Variants in VWC2 observed in about 807,000 individuals in gnomAD.
The protein encoded by VWC2 is brorin.
Under a neutral mutation model 29.8 loss-of-function variants are expected in VWC2, and 14 were observed. The ratio of observed to expected loss-of-function variants is 0.47; its 90% CI spans 0.31 to 0.74. The LOEUF is 0.74. Ranked by LOEUF, VWC2 falls within the 30% of genes least tolerant of loss-of-function variation. The pLI is 0.05. For synonymous variants in VWC2, 213 were observed against 199.0 expected, an observed-to-expected ratio of 1.07 and a Z score of -0.59; for missense variants, 457 against 459.8, an observed-to-expected ratio of 0.99 and a Z score of 0.05.
chr7:49,838,154 C>T (rs1018686722), intron 3 of VWC2, among the ~76,000 whole-genome samples: 2 of 152,182 alleles, frequency 1.3e-5, no homozygotes, highest in African/African-American at 2.4e-5. Context: ...CCTATCCCCC[C>T]ATCTAATGCC....
At chr7:49,835,458 A>C (rs1408291848) in intron 3 of VWC2, among the ~76,000 whole-genome samples, 1 of 152,210 alleles carries the variant, frequency 6.6e-6, no homozygotes, top group African/African-American at 2.4e-5. Context: ...AAAGAGAATC[A>C]GGACTGAACA....
At position 49,868,784 on chromosome 7, in the gene VWC2, A is replaced by G. The variant is rs141622626; in HGVS notation, c.827-43250A>G. Among the ~76,000 whole-genome samples, 97 of 152,034 alleles carry G rather than the reference A, an allele frequency of 6.4e-4. 1 individual carries two copies. The East Asian group carries it at 0.018, about 29-fold the overall frequency. On this transcript the variant is annotated intron_variant, in intron 3 of 3. Coordinates refer to ENST00000340652, the MANE Select transcript of VWC2 (RefSeq NM_198570.5). ...AGGCGTGTGCCACCATGCCTGGCTA[A>G]TTTTTTTGTATTTTTGTAGAGACAA...
At chr7:49,821,524 C>T (rs186171083) in intron 3 of VWC2, among the ~76,000 whole-genome samples, 2 of 152,258 alleles carry the variant, frequency 1.3e-5, no homozygotes, top group African/African-American at 4.8e-5. Flanking sequence ...CCTGCTACTA[C>T]ATTGACTCCA....
intron 3 of VWC2, among the ~76,000 whole-genome samples, chr7:49,867,629 C>G (rs1047303948): frequency 2.6e-5 from 4 of 152,148 alleles, no homozygotes; most frequent in African/African-American, 9.7e-5. Context: ...CTGAGGCATT[C>G]ACCCTCCTGA....
intron 3 of VWC2, among the ~76,000 whole-genome samples, chr7:49,887,223 T>G (rs959332612): frequency 6.6e-6 from 1 of 152,220 alleles, no homozygotes; most frequent in African/African-American, 2.4e-5. Context: ...ATTTGTGGTC[T>G]AGCTCTGACA....
rs1226560607 is a variant in VWC2 at position 49,774,073 on chromosome 7, C to T, written c.-144C>T. The T allele has an allele frequency of 6.6e-6, 1 of 152,146 alleles. No individual in the cohort carries two copies. The highest frequency in any genetic ancestry group is 2.4e-5 in the African/African-American group (1 of 41,398). 9.4% of individuals were successfully genotyped at this position (152,146 alleles called of 1,614,324 possible). A position where few individuals can be genotyped will look rare whatever the true frequency, so the allele number is the denominator to read the frequency against. On this transcript the variant is annotated 5_prime_UTR_variant, in exon 1 of 4. Transcript: ENST00000340652. ...CGCGCCCGCCGCTGCTACCCCTGCG[C>T]CCGCTGCGAGCCCGGCGTCCGGCCC... is the stretch of plus-strand genomic sequence containing the variant.
chr7:49,829,319 C>A (rs1196495696), intron 3 of VWC2, among the ~76,000 whole-genome samples: 1 of 152,202 alleles, frequency 6.6e-6, no homozygotes, highest in East Asian at 1.9e-4. Flanking sequence ...TTTCTGAACT[C>A]TTAGAGTCTC....
chr7:49,782,711 G>A (rs1039912821), intron 2 of VWC2, among the ~76,000 whole-genome samples: 4 of 151,450 alleles, frequency 2.6e-5, no homozygotes, highest in African/African-American at 9.7e-5. Context: ...AAAAGGCCAG[G>A]CATGTTGGTG....
intron 3 of VWC2, among the ~76,000 whole-genome samples, chr7:49,877,479 AAAATATATATATATATATATAT>A (rs1381396731): frequency 7.8e-5 from 1 of 12,746 alleles, no homozygotes; most frequent in African/African-American, 3.8e-4. Flanking sequence ...AAAAAAAAAA[AAAATATATATATATATATATAT>A]ATATATATAT....
chr7:49,784,659 G>C (rs1224141609), intron 2 of VWC2, among the ~76,000 whole-genome samples: 1 of 152,252 alleles, frequency 6.6e-6, no homozygotes, highest in African/African-American at 2.4e-5. Context: ...AGAAATGTTT[G>C]TGTTTTCCCC....
At chr7:49,780,829 A>C (rs1788157738) in intron 2 of VWC2, among the ~76,000 whole-genome samples, 1 of 152,212 alleles carries the variant, frequency 6.6e-6, no homozygotes, top group African/African-American at 2.4e-5. Flanking sequence ...CCACTGAGTT[A>C]AACCAAATTC....
At chr7:49,807,569 T>C (rs1393555501) in intron 3 of VWC2, among the ~76,000 whole-genome samples, 1 of 152,152 alleles carries the variant, frequency 6.6e-6, no homozygotes, top group Non-Finnish European at 1.5e-5. Flanking sequence ...ACCAACTGAA[T>C]AGCAGTATGG....
chr7:49,789,419 TC>T (rs72174754), intron 2 of VWC2, among the ~76,000 whole-genome samples: 1 of 151,608 alleles, frequency 6.6e-6, no homozygotes, highest in Non-Finnish European at 1.5e-5. Flanking sequence ...CATTAACATT[TC>T]CCCCCATTGG....
chr7:49,806,749 T>TGC (rs1244162154), intron 3 of VWC2, among the ~76,000 whole-genome samples: 1 of 151,954 alleles, frequency 6.6e-6, no homozygotes, highest in Non-Finnish European at 1.5e-5. Context: ...TGTGTGTGTG[T>TGC]GCGTGTGTGT....
At chr7:49,804,799 C>T (rs182735919) in intron 3 of VWC2, among the ~76,000 whole-genome samples, 1 of 152,242 alleles carries the variant, frequency 6.6e-6, no homozygotes, top group East Asian at 1.9e-4. Context: ...TTCTCTCCTG[C>T]CCCATCTCTC....
At chr7:49,903,876 G>T (rs976974373) in intron 3 of VWC2, among the ~76,000 whole-genome samples, 24 of 152,164 alleles carry the variant, frequency 1.6e-4, no homozygotes, top group African/African-American at 5.6e-4. Flanking sequence ...CAAGAGGAAA[G>T]ACTGGCTGGT....
chr7:49,862,038 G>T (rs749267356), intron 3 of VWC2, among the ~76,000 whole-genome samples: 1 of 152,116 alleles, frequency 6.6e-6, no homozygotes, highest in Non-Finnish European at 1.5e-5. Context: ...TTTTGAAAGG[G>T]ATTGTATTGA....
rs1793954676 is a variant in VWC2 at position 49,920,127 on chromosome 7, T to G, written c.*7942T>G. The G allele has an allele frequency of 6.6e-6, 1 of 152,118 alleles. No homozygotes were observed. Among genetic ancestry groups the G allele is most frequent in the Non-Finnish European group, 1.5e-5 (1 of 68,020 alleles). The allele number at this position is 152,118 out of a possible 1,614,324, so 9.4% of individuals were successfully genotyped here. ...CAGGAGAGAAAATAAAAGGAGACAT[T>G]AATTTGGATATGGAAGCAAAATGGA... is the stretch of plus-strand genomic sequence containing the variant. On this transcript the variant is annotated 3_prime_UTR_variant, in exon 4 of 4. Transcript: ENST00000340652.
At chr7:49,907,693 T>C (rs1469354602) in intron 3 of VWC2, among the ~76,000 whole-genome samples, 1 of 152,144 alleles carries the variant, frequency 6.6e-6, no homozygotes, top group East Asian at 1.9e-4. Flanking sequence ...AATGTATATA[T>C]TGGTTTGGTC....
Sources: allele counts gnomAD v4.1 joint callset (sites outside exome capture counted in the v4.1 genomes callset), GRCh38; gene constraint gnomAD v4.1.1; transcripts MANE v1.5; gene names NCBI Gene and HGNC (gene_info 2026-07-23, HGNC 2026-07-21).